The following ASIC1 variants were observed in gnomAD, a reference collection of about 807,000 sequenced individuals.
ASIC1 encodes acid sensing ion channel subunit 1.
Under a neutral mutation model 63.4 loss-of-function variants are expected in ASIC1, and 21 were observed. The observed-to-expected ratio is 0.33, with a 90% confidence interval of 0.23 to 0.48. The LOEUF is 0.48. ASIC1 is among the 20% of genes least tolerant of loss of function. The pLI is 0.99. For synonymous variants in ASIC1, 258 were observed against 278.2 expected, an observed-to-expected ratio of 0.93 and a Z score of 0.72; for missense variants, 478 against 695.5, an observed-to-expected ratio of 0.69 and a Z score of 3.52.
chr12:50,067,333 T>C (rs756122362), intron 3 of ASIC1, among the ~76,000 whole-genome samples: 9 of 152,174 alleles, frequency 5.9e-5, no homozygotes, highest in Middle Eastern at 3.4e-3. Context: ...TGTTGCCGAA[T>C]CCAGCAAATA....
intron 3 of ASIC1, among the ~76,000 whole-genome samples, chr12:50,065,276 G>T (rs1414177277): frequency 6.6e-6 from 1 of 152,250 alleles, no homozygotes; most frequent in Admixed American, 6.5e-5. Context: ...ACCCTTAGGT[G>T]TGCATTCTGG....
intron 3 of ASIC1, among the ~76,000 whole-genome samples, chr12:50,069,256 TTTTATTTATTTA>T (rs58172412): frequency 1.6e-3 from 238 of 146,344 alleles, no homozygotes; most frequent in South Asian, 4.9e-3. Flanking sequence ...TTATTTTTTA[TTTTATTTATTTA>T]TTTATTTATT....
chr12:50,081,222 G>C, intron 10 of ASIC1, 38 bp from the exon 11 acceptor site: 2 of 1,605,490 alleles, frequency 1.2e-6, no homozygotes, highest in Non-Finnish European at 1.7e-6. Flanking sequence ...ACGTGGGGGC[G>C]GGGTCCAGCC....
At chr12:50,073,799 C>G (rs190684002) in intron 3 of ASIC1, 2 of 1,535,100 alleles carry the variant, frequency 1.3e-6, no homozygotes, top group Non-Finnish European at 1.7e-6. Flanking sequence ...AACAGCTGCA[C>G]CCTCCATGGC....
intron 9 of ASIC1, 100 bp downstream of exon 9, chr12:50,080,689 C>G: frequency 6.2e-7 from 1 of 1,614,092 alleles, no homozygotes. Flanking sequence ...CATGAGGGTC[C>G]TCCACCCCAG....
chr12:50,066,092 T>A (rs531475475), intron 3 of ASIC1, among the ~76,000 whole-genome samples: 1 of 152,246 alleles, frequency 6.6e-6, no homozygotes, highest in South Asian at 2.1e-4. Context: ...AGCTTCTGTG[T>A]AGGCAAACCT....
chr12:50,081,736 G>A lies in ASIC1; in HGVS notation c.*87G>A. On this transcript the variant is annotated 3_prime_UTR_variant, in exon 12 of 12. Transcript: ENST00000447966. Reference sequence around the variant, plus strand: ...CAGCTGCCTCCTCACATCTGCCCTGGGGACTCCCCACACTCCGGGGCAGAT... The same window carrying A: ...CAGCTGCCTCCTCACATCTGCCCTGAGGACTCCCCACACTCCGGGGCAGAT... 1 of 1,233,660 alleles carries A rather than the reference G, an allele frequency of 8.1e-7. No homozygotes were observed. The highest frequency in any genetic ancestry group is 1.3e-5 in the South Asian group (1 of 77,250). 76.4% of individuals were successfully genotyped at this position (1,233,660 alleles called of 1,614,324 possible).
In ASIC1 at chr12:50,079,894, G is replaced by C; in HGVS notation, c.1052-8G>C. ...CTCAACTGAGACCTCTCACCTGGCT[G>C]AGTGCAGACTTCCTGGTGGAGAAGG... On this transcript the variant is annotated splice_polypyrimidine_tract_variant and splice_region_variant and intron_variant, in intron 7 of 11. Coordinates refer to ENST00000447966, the MANE Select transcript of ASIC1 (RefSeq NM_001095.4). The C allele has an allele frequency of 6.3e-7, 1 of 1,596,232 alleles. No homozygotes were observed. The highest frequency in any genetic ancestry group is 8.5e-7 in the Non-Finnish European group (1 of 1,170,896).
intron 3 of ASIC1, among the ~76,000 whole-genome samples, chr12:50,064,624 G>T (rs888359230): frequency 1.3e-5 from 2 of 152,212 alleles, no homozygotes; most frequent in African/African-American, 4.8e-5. Flanking sequence ...TTGGGACTTT[G>T]TCACTGCCCA....
intron 8 of ASIC1, 147 bp downstream of exon 8, chr12:50,080,202 G>A (rs1009509378): frequency 1.7e-6 from 2 of 1,158,788 alleles, no homozygotes; most frequent in Non-Finnish European, 2.4e-6. Context: ...AGTCTAGGGT[G>A]GGTATGCAGG....
In ASIC1 at chr12:50,074,139, C is replaced by T. The variant is rs562793859; in HGVS notation, c.559-3074C>T. On this transcript the variant is annotated intron_variant, in intron 3 of 11. Transcript: ENST00000447966. This position sits in a 1 kb window ranked among gnomAD's most constrained non-coding sequence, Gnocchi z 4.2. ...GCCCTGAGGCCTTCTCTGGGGAGCC[C>T]TTTAACCTGCACCGCTTCTACAATC... 5.9e-6 allele frequency: 9 copies of T among 1,535,578 alleles called. No individual in the cohort carries two copies. In the African/African-American group the frequency reaches 6.8e-5, roughly 12 times the overall value.
intron 3 of ASIC1, among the ~76,000 whole-genome samples, chr12:50,062,252 C>T (rs1950507591): frequency 6.6e-6 from 1 of 152,188 alleles, no homozygotes; most frequent in East Asian, 1.9e-4. Flanking sequence ...CTCCCACACT[C>T]CTTGCCTGAT....
intron 3 of ASIC1, among the ~76,000 whole-genome samples, chr12:50,063,041 T>C (rs1565725272): frequency 6.6e-6 from 1 of 152,194 alleles, no homozygotes; most frequent in African/African-American, 2.4e-5. Context: ...AGCTGCCTCC[T>C]GAGCAACCAC....
chr12:50,079,347 A>G (rs1950691419), intron 7 of ASIC1, among the ~76,000 whole-genome samples: 1 of 152,088 alleles, frequency 6.6e-6, no homozygotes, highest in Admixed American at 6.6e-5. Flanking sequence ...CGGGGAGGTG[A>G]GGTTGCAGTG....
intron 1 of ASIC1, among the ~76,000 whole-genome samples, chr12:50,058,431 G>A (rs574377130): frequency 1.3e-5 from 2 of 152,332 alleles, no homozygotes; most frequent in South Asian, 2.1e-4. Context: ...CACATCTGGA[G>A]GGAACTCCTG....
Position 50,078,349 on chromosome 12 carries a change from G to C in ASIC1, c.838-72G>C. Reference sequence around the variant, plus strand: ...GCAGAACTCCAGAGATCTGCATCTTGTCAGAGGAGTCCATCAAGCTGATTT... The same window carrying C: ...GCAGAACTCCAGAGATCTGCATCTTCTCAGAGGAGTCCATCAAGCTGATTT... On this transcript the variant is annotated intron_variant, in intron 5 of 11. Transcript: ENST00000447966. This position sits in a 1 kb window ranked among gnomAD's most constrained non-coding sequence, Gnocchi z 6.0. The C allele has an allele frequency of 1.3e-6, 2 of 1,587,474 alleles. No homozygotes were observed. The highest frequency in any genetic ancestry group is 1.7e-6 in the Non-Finnish European group (2 of 1,163,530).
At chr12:50,073,835 GT>G (rs1423612665) in intron 3 of ASIC1, 1 of 1,531,412 alleles carries the variant, frequency 6.5e-7, no homozygotes, top group Admixed American at 2.0e-5. Flanking sequence ...GTGGAGGGGG[GT>G]CCAGGGCCAA....
At chr12:50,067,567 C>A (rs566778606) in intron 3 of ASIC1, among the ~76,000 whole-genome samples, 2 of 152,054 alleles carry the variant, frequency 1.3e-5, no homozygotes, top group Admixed American at 6.5e-5. Flanking sequence ...TGCCACCATG[C>A]GCGGCTATTT....
chr12:50,064,774 A>G (rs1381744747), intron 3 of ASIC1, among the ~76,000 whole-genome samples: 1 of 152,148 alleles, frequency 6.6e-6, no homozygotes, highest in African/African-American at 2.4e-5. Context: ...GTGGAAAGTA[A>G]TTTCAATTCT....
Sources: gnomAD v4.1 joint callset for allele counts (sites outside exome capture counted in the v4.1 genomes callset) on GRCh38, gnomAD v4.1.1 for gene constraint, Gnocchi (gnomAD v3.1) non-coding constraint, MANE v1.5 for transcripts, NCBI Gene and HGNC (gene_info 2026-07-23, HGNC 2026-07-21) for gene names.